The following HIBADH variants were observed in gnomAD, a reference collection of about 807,000 sequenced individuals.
HIBADH encodes the protein 3-hydroxyisobutyrate dehydrogenase.
In HIBADH, 25 loss-of-function variants were observed where a neutral mutation model predicts 36.1. The observed-to-expected ratio is 0.69, with a 90% CI of 0.50 to 0.97. The LOEUF (loss-of-function observed/expected upper bound fraction) is 0.97, where lower values mean the gene tolerates loss of function less well. Ranked by LOEUF, HIBADH falls within the 50% of genes least tolerant of loss-of-function variation. The pLI is 0.00. For synonymous variants in HIBADH, 160 were observed against 149.5 expected (o/e 1.07, Z -0.51); for missense variants, 421 against 418.0 (o/e 1.01, Z -0.06).
At chr7:27,574,358 A>AAATC (rs1466781999) in intron 4 of HIBADH, among the ~76,000 whole-genome samples, 2 of 152,088 alleles carry the variant, frequency 1.3e-5, no homozygotes, top group Non-Finnish European at 2.9e-5. Flanking sequence ...AGAATCTCTG[A>AAATC]AATCATTTCC....
chr7:27,546,858 C>T (rs193025397), intron 4 of HIBADH, among the ~76,000 whole-genome samples: 32 of 152,336 alleles, frequency 2.1e-4, no homozygotes, highest in Admixed American at 1.9e-3. Context: ...TCCATCCCTA[C>T]TACCACGGTC....
rs574543127 is a variant in HIBADH at position 27,605,689 on chromosome 7, C to T, written c.484+23682G>A. Among the ~76,000 whole-genome samples the T allele has an allele frequency of 1.1e-3, 158 of 146,438 alleles. 1 individual carries two copies. Among genetic ancestry groups the T allele is most frequent in the Non-Finnish European group, 1.0e-3 (70 of 66,842 alleles). The stretch of plus-strand genomic sequence containing the variant: ...CAAATATTTCATTTTCATTTACTTT[C>T]GTTTTAATATCAACAACCTAAAAAC... On this transcript the variant is annotated intron_variant, in intron 4 of 7. Coordinates refer to ENST00000265395, the MANE Select transcript of HIBADH (RefSeq NM_152740.4).
chr7:27,603,246 T>A (rs1785162852), intron 4 of HIBADH, among the ~76,000 whole-genome samples: 1 of 152,160 alleles, frequency 6.6e-6, no homozygotes, highest in Non-Finnish European at 1.5e-5. Flanking sequence ...GAATCCATAG[T>A]GTTAAAACTG....
At chr7:27,565,804 T>C (rs563359705) in intron 4 of HIBADH, among the ~76,000 whole-genome samples, 3 of 152,194 alleles carry the variant, frequency 2.0e-5, no homozygotes, top group African/African-American at 4.8e-5. Context: ...CCTTTATCAG[T>C]TTTAGGAAGT....
At chr7:27,653,638 G>A (rs1344878381) in intron 1 of HIBADH, among the ~76,000 whole-genome samples, 1 of 152,038 alleles carries the variant, frequency 6.6e-6, no homozygotes, top group African/African-American at 2.4e-5. Flanking sequence ...TCGGGAGGCT[G>A]AGGCAGGAGA....
intron 4 of HIBADH, among the ~76,000 whole-genome samples, chr7:27,547,008 T>A (rs1482444519): frequency 1.3e-5 from 2 of 152,226 alleles, no homozygotes; most frequent in Non-Finnish European, 2.9e-5. Context: ...ACCCAGCTCA[T>A]GTTTGTTCCC....
chr7:27,528,296 G>A (rs1313695593), intron 7 of HIBADH, among the ~76,000 whole-genome samples: 1 of 152,050 alleles, frequency 6.6e-6, no homozygotes, highest in Non-Finnish European at 1.5e-5. Flanking sequence ...AATGAAAAGA[G>A]GAGTCAGCTG....
chr7:27,605,511 T>G (rs1785205825), intron 4 of HIBADH, among the ~76,000 whole-genome samples: 3 of 100,680 alleles, frequency 3.0e-5, no homozygotes, highest in Non-Finnish European at 3.6e-5. Flanking sequence ...TCTTGCCACA[T>G]GGTGGGGGGC....
chr7:27,544,393 T>G (rs550786956), intron 4 of HIBADH, among the ~76,000 whole-genome samples: 1 of 152,220 alleles, frequency 6.6e-6, no homozygotes, highest in Non-Finnish European at 1.5e-5. Flanking sequence ...TATGAAAACC[T>G]GAGATGCTCA....
chr7:27,600,751 C>T (rs911031144), intron 4 of HIBADH, among the ~76,000 whole-genome samples: 1 of 152,024 alleles, frequency 6.6e-6, no homozygotes, highest in Admixed American at 6.6e-5. Flanking sequence ...TGGTAGATGG[C>T]TCTTCTTTAG....
chr7:27,606,509 T>C (rs953567721), intron 4 of HIBADH, among the ~76,000 whole-genome samples: 7 of 152,260 alleles, frequency 4.6e-5, no homozygotes, highest in African/African-American at 1.7e-4. Context: ...TCTCCAGCTC[T>C]TGACTCCAGA....
rs70994666 is a variant in HIBADH at position 27,605,586 on chromosome 7, C to CAAAAAAAAA, written c.484+23776_484+23784dup. 2.4e-4 allele frequency among the ~76,000 whole-genome samples: 8 copies of CAAAAAAAAA among 33,598 alleles called. 1 individual carries two copies. The highest frequency in any genetic ancestry group is 4.8e-4 in the African/African-American group (4 of 8,420). The allele number at this position is 33,598 out of a possible 152,430, so 22.0% of individuals were successfully genotyped here. On this transcript the variant is annotated intron_variant, in intron 4 of 7. Transcript: ENST00000265395. ...TTCCCCTCTCCAGTGTTTAGACAAG[C>CAAAAAAAAA]AAAAAAAAAAAAAAAAAAAAAAAAA... is the stretch of plus-strand genomic sequence containing the variant.
At chr7:27,638,923 T>C (rs762840817) in intron 2 of HIBADH, among the ~76,000 whole-genome samples, 10 of 152,144 alleles carry the variant, frequency 6.6e-5, no homozygotes, top group Non-Finnish European at 1.0e-4. Flanking sequence ...TGGCTGTTAT[T>C]AAAAAGTCAA....
chr7:27,531,450 A>G, intron 6 of HIBADH, 102 bp from the exon 7 acceptor site: 3 of 1,032,840 alleles, frequency 2.9e-6, no homozygotes, highest in South Asian at 2.0e-5. Flanking sequence ...TCCATTTATT[A>G]TATGTCTTCT....
Position 27,645,377 on chromosome 7 carries a change from T to TTG in HIBADH, c.252+4095_252+4096insCA, listed in dbSNP as rs1562657264. Among the ~76,000 whole-genome samples, 5 of 125,938 alleles carry TTG rather than the reference T, an allele frequency of 4.0e-5. No individual in the cohort carries two copies. The East Asian group carries it at 6.8e-4, about 17-fold the overall frequency. The allele number at this position is 125,938 out of a possible 152,430, so 82.6% of individuals were successfully genotyped here. On this transcript the variant is annotated intron_variant, in intron 2 of 7. Coordinates refer to ENST00000265395, the MANE Select transcript of HIBADH (RefSeq NM_152740.4). ...GTGTCTCATGGTTTTGATTTTTTTTTTTTTTTTTTTTTTTTTTTGAGACAG... is the reference window on the plus strand; with the variant it reads ...GTGTCTCATGGTTTTGATTTTTTTTTTGTTTTTTTTTTTTTTTTTTGAGACAG...
chr7:27,535,862 A>ATT (rs552360128), intron 6 of HIBADH, among the ~76,000 whole-genome samples: 2 of 152,030 alleles, frequency 1.3e-5, no homozygotes, highest in African/African-American at 4.8e-5. Flanking sequence ...TTATTCTTCA[A>ATT]TTTTTTTAAA....
intron 4 of HIBADH, among the ~76,000 whole-genome samples, chr7:27,618,651 G>C (rs1005501222): frequency 6.6e-6 from 1 of 151,944 alleles, no homozygotes; most frequent in Admixed American, 6.6e-5. Flanking sequence ...GGCTGTTCTT[G>C]CATTGCTATA....
At position 27,599,817 on chromosome 7, in the gene HIBADH, T is replaced by G. The variant is rs186059796; in HGVS notation, c.484+29554A>C. 2.6e-5 allele frequency among the ~76,000 whole-genome samples: 4 copies of G among 152,104 alleles called. No homozygotes were observed. In the East Asian group the frequency reaches 7.7e-4, roughly 29 times the overall value. ...AAGTTTTTTTTCTTCAAAAAAGGTTTGCATGGAAAATTGTAAGTAAATGTT... is the reference window on the plus strand; with the variant it reads ...AAGTTTTTTTTCTTCAAAAAAGGTTGGCATGGAAAATTGTAAGTAAATGTT... On this transcript the variant is annotated intron_variant, in intron 4 of 7. Transcript: ENST00000265395.
chr7:27,644,525 G>C (rs995062715), intron 2 of HIBADH, among the ~76,000 whole-genome samples: 16 of 151,514 alleles, frequency 1.1e-4, no homozygotes, highest in Admixed American at 2.6e-4. Flanking sequence ...GCTTGAACCT[G>C]GGAGGCGGAG....
Sources: gnomAD v4.1 joint callset for allele counts (sites outside exome capture counted in the v4.1 genomes callset) on GRCh38, gnomAD v4.1.1 for gene constraint, MANE v1.5 for transcripts, NCBI Gene and HGNC (gene_info 2026-07-23, HGNC 2026-07-21) for gene names.